The following ADGRV1 variants were observed in gnomAD, a reference collection of about 807,000 sequenced individuals.
ADGRV1 encodes G-protein coupled receptor 98.
A neutral mutation model predicts 596.2 loss-of-function variants in ADGRV1; 359 were observed. That is an observed-to-expected ratio of 0.60 (90% CI 0.55 to 0.66). ADGRV1 has a LOEUF of 0.66. ADGRV1 is among the 30% of genes least tolerant of loss of function. The probability of loss-of-function intolerance (pLI) is 0.00; values close to 1 mark genes in which losing one functional copy is unlikely to be tolerated. For missense variants in ADGRV1, 7,274 were observed against 7,575.6 expected, an observed-to-expected ratio of 0.96 and a Z score of 1.48; for synonymous variants, 2,681 against 2,679.2, an observed-to-expected ratio of 1.00 and a Z score of -0.02.
At chr5:91,161,130 C>T (rs1451575581) in intron 89 of ADGRV1, among the ~76,000 whole-genome samples, 1 of 152,172 alleles carries the variant, frequency 6.6e-6, no homozygotes, top group Non-Finnish European at 1.5e-5. Context: ...ATCATGGGGT[C>T]CTCTCTGTTC....
chr5:90,833,594 G>T (rs1278456423), intron 77 of ADGRV1, among the ~76,000 whole-genome samples: 1 of 152,100 alleles, frequency 6.6e-6, no homozygotes, highest in African/African-American at 2.4e-5. Context: ...CAGTTTTACA[G>T]TTTTCATTGC....
chr5:90,772,885 G>T (rs1314912702), intron 59 of ADGRV1, among the ~76,000 whole-genome samples: 1 of 152,198 alleles, frequency 6.6e-6, no homozygotes, highest in Non-Finnish European at 1.5e-5. Flanking sequence ...AATACATTGA[G>T]TCTGATAGCG....
At chr5:90,655,997 A>T (rs1769355773) in intron 20 of ADGRV1, 1 of 152,204 alleles carries the variant, frequency 6.6e-6, no homozygotes, top group Non-Finnish European at 1.5e-5. Flanking sequence ...ATATTGCATG[A>T]AATTTGAAAA....
chr5:90,826,175 C>A (rs1348850854), intron 76 of ADGRV1, among the ~76,000 whole-genome samples: 3 of 152,220 alleles, frequency 2.0e-5, no homozygotes, highest in East Asian at 3.9e-4. Flanking sequence ...TATTACTCAT[C>A]CAGTTCAAAT....
rs1227890928 is a variant in ADGRV1 at position 90,840,841 on chromosome 5, G to T, written c.16875G>T (p.Ser5625=). 1 of 1,613,404 alleles carries T rather than the reference G, an allele frequency of 6.2e-7. No individual in the cohort carries two copies. Among genetic ancestry groups the T allele is most frequent in the Non-Finnish European group, 8.5e-7 (1 of 1,179,446 alleles). The change falls in exon 78 of 90, where the codon TCG becomes TCT. Residue 5625 remains serine, a synonymous_variant. Coordinates refer to ENST00000405460, the MANE Select transcript of ADGRV1 (RefSeq NM_032119.4). The part of the protein sequence containing the change: ...ANITLVSDAD[S]QAIWGLADQL... ...TCACTCTTGTCTCAGATGCAGATTCGCAGGCCATTTGGGGGCTTGCAGATC... is the reference window on the plus strand; with the variant it reads ...TCACTCTTGTCTCAGATGCAGATTCTCAGGCCATTTGGGGGCTTGCAGATC...
intron 31 of ADGRV1, among the ~76,000 whole-genome samples, chr5:90,691,384 C>CTTTTTTTT (rs34426784): frequency 4.9e-5 from 6 of 123,446 alleles, no homozygotes; most frequent in East Asian, 2.4e-4. Context: ...AAACTTTTTT[C>CTTTTTTTT]TTTTTTTTTT....
intron 87 of ADGRV1, among the ~76,000 whole-genome samples, chr5:91,105,805 T>C (rs1259075148): frequency 6.6e-6 from 1 of 152,064 alleles, no homozygotes; most frequent in African/African-American, 2.4e-5. Flanking sequence ...GCAGAGGCTT[T>C]TTAGTTTGAC....
At chr5:90,856,034 T>C in intron 82 of ADGRV1, 133 bp downstream of exon 82, 1 of 729,302 alleles carries the variant, frequency 1.4e-6, no homozygotes, top group Non-Finnish European at 2.2e-6. Context: ...TACAAATTTT[T>C]CGTTGTCTTA....
intron 83 of ADGRV1, among the ~76,000 whole-genome samples, chr5:90,935,699 T>C (rs181673963): frequency 1.3e-5 from 2 of 152,356 alleles, no homozygotes; most frequent in Admixed American, 1.3e-4. Flanking sequence ...CTCTGGTATG[T>C]GTTCAGCACA....
chr5:90,653,258 G>C lies in ADGRV1; in HGVS notation c.3684G>C (p.Val1228=). 1 of 1,613,546 alleles carries C rather than the reference G, an allele frequency of 6.2e-7. No individual in the cohort carries two copies. The highest frequency in any genetic ancestry group is 8.5e-7 in the Non-Finnish European group (1 of 1,179,610). ...AGCTAGCAGAAACCAACCTCCAGGT[G>C]ACAGTAATGGTTCCATTCAATGATG... ...GGQLAETNLQ[V]TVMVPFNDDP... Residue 1228 remains valine, a synonymous_variant, in exon 20 of 90, where the codon GTG becomes GTC. Transcript: ENST00000405460.
chr5:90,573,409 G>A (rs541028152), intron 1 of ADGRV1, among the ~76,000 whole-genome samples: 20 of 152,146 alleles, frequency 1.3e-4, no homozygotes, highest in Middle Eastern at 3.4e-3. Flanking sequence ...AAACCTAGAT[G>A]GTATAATGAA....
At chr5:91,071,075 TAGGAAGAAAACTCCTCCC>T (rs1318185528) in intron 85 of ADGRV1, among the ~76,000 whole-genome samples, 3 of 151,922 alleles carry the variant, frequency 2.0e-5, no homozygotes, top group African/African-American at 2.4e-5. Flanking sequence ...TTTCCTCTGT[TAGGAAGAAAACTCCTCCC>T]AGGAAGAAAA....
chr5:90,910,356 T>A (rs1043060685), intron 83 of ADGRV1, among the ~76,000 whole-genome samples: 33 of 152,216 alleles, frequency 2.2e-4, no homozygotes, highest in Admixed American at 6.5e-5. Flanking sequence ...GAAAAGTGAA[T>A]GTATCCAAAT....
At chr5:91,055,882 A>G (rs7719311) in intron 85 of ADGRV1, among the ~76,000 whole-genome samples, 90,380 of 152,076 alleles carry the variant, frequency 0.59, 27,470 homozygotes, top group South Asian at 0.68. Context: ...TAATCAAAAT[A>G]GAATCCATTA....
chr5:91,026,029 T>G (rs1783994977), intron 85 of ADGRV1, among the ~76,000 whole-genome samples: 1 of 152,122 alleles, frequency 6.6e-6, no homozygotes, highest in Non-Finnish European at 1.5e-5. Context: ...TTGATAGTAC[T>G]CTTATTATCA....
intron 83 of ADGRV1, among the ~76,000 whole-genome samples, chr5:90,887,287 C>G (rs536725438): frequency 6.6e-6 from 1 of 152,200 alleles, no homozygotes; most frequent in South Asian, 2.1e-4. Flanking sequence ...CTGTTTGTAT[C>G]AGAGGTTCCT....
At position 90,688,176 on chromosome 5, in the gene ADGRV1, T is replaced by C. The variant is rs971124978; in HGVS notation, c.6491-1685T>C. 3.3e-5 allele frequency among the ~76,000 whole-genome samples: 5 copies of C among 152,240 alleles called. No individual in the cohort carries two copies. In the East Asian group the frequency reaches 7.7e-4, roughly 23 times the overall value. On this transcript the variant is annotated intron_variant, in intron 29 of 89. Transcript: ENST00000405460. ...CAAGGCTACAGTAACCAAAACAGCATGGTACTGGTACCAAAACAGAGATAT... is the reference window on the plus strand; with the variant it reads ...CAAGGCTACAGTAACCAAAACAGCACGGTACTGGTACCAAAACAGAGATAT...
chr5:90,629,257 A>G lies in ADGRV1; in HGVS notation c.1557A>G (p.Thr519=). Reference sequence around the variant, plus strand: ...GTGATGATGTCTATGGCCTAATAACATTTTTTCCTATGGAAAACCAGAAGA... The same window carrying G: ...GTGATGATGTCTATGGCCTAATAACGTTTTTTCCTATGGAAAACCAGAAGA... The part of the protein sequence containing the change: ...QDSDDVYGLI[T]FFPMENQKIE... Residue 519 remains threonine, a synonymous_variant, in exon 9 of 90, where the codon ACA becomes ACG. Coordinates refer to ENST00000405460, the MANE Select transcript of ADGRV1 (RefSeq NM_032119.4). The G allele has an allele frequency of 1.2e-6, 2 of 1,611,798 alleles. No individual in the cohort carries two copies. Among genetic ancestry groups the G allele is most frequent in the Non-Finnish European group, 1.7e-6 (2 of 1,178,968 alleles).
At chr5:90,562,313 C>T (rs146452115) in intron 1 of ADGRV1, among the ~76,000 whole-genome samples, 1 of 152,038 alleles carries the variant, frequency 6.6e-6, no homozygotes, top group Non-Finnish European at 1.5e-5. Context: ...TAATTTTTTC[C>T]TTTCACAAGG....
Sources: allele counts gnomAD v4.1 joint callset (sites outside exome capture counted in the v4.1 genomes callset), GRCh38; gene constraint gnomAD v4.1.1; transcripts MANE v1.5; gene names NCBI Gene and HGNC (gene_info 2026-07-23, HGNC 2026-07-21).